Variants in ELP4 observed in about 807,000 individuals in gnomAD.
ELP4 encodes the protein elongator acetyltransferase complex subunit 4.
A neutral mutation model predicts 48.9 loss-of-function variants in ELP4; 51 were observed. The observed-to-expected ratio is 1.04, with a 90% CI of 0.83 to 1.32. The LOEUF is 1.32. Among genes scored for constraint, ELP4 ranks in the 40% most tolerant of loss-of-function variants. The pLI, the probability that ELP4 is intolerant of heterozygous loss-of-function variation, is 0.00. For missense variants in ELP4, 519 were observed against 514.6 expected (o/e 1.01, Z -0.08); for synonymous variants, 210 against 189.2 (o/e 1.11, Z -0.90).
chr11:31,746,883 T>TATA (rs751181055), intron 9 of ELP4, among the ~76,000 whole-genome samples: 1 of 151,276 alleles, frequency 6.6e-6, no homozygotes, highest in Non-Finnish European at 1.5e-5. Flanking sequence ...AAACTTAAAG[T>TATA]ATAATAATAA....
intron 5 of ELP4, among the ~76,000 whole-genome samples, chr11:31,623,641 G>T (rs1295182036): frequency 6.7e-6 from 1 of 150,370 alleles, no homozygotes; most frequent in Non-Finnish European, 1.5e-5. Flanking sequence ...CATTGTTGAT[G>T]ATTGACTTGT....
rs1368522020 is a variant in ELP4, at chr11:31,783,566, C to T, written c.*42C>T. ...GCTGCATGCAGAATTCTATGACACTCTAATTATGATTGCTAATAGCTTATG... is the reference window on the plus strand; with the variant it reads ...GCTGCATGCAGAATTCTATGACACTTTAATTATGATTGCTAATAGCTTATG... On this transcript the variant is annotated 3_prime_UTR_variant, in exon 10 of 10. Coordinates refer to ENST00000640961, the MANE Select transcript of ELP4 (RefSeq NM_019040.5). 2 of 1,580,304 alleles carry T rather than the reference C, an allele frequency of 1.3e-6. No individual in the cohort carries two copies. The highest frequency in any genetic ancestry group is 1.8e-5 in the Admixed American group (1 of 56,452).
intron 6 of ELP4, among the ~76,000 whole-genome samples, chr11:31,629,906 T>C (rs1334885358): frequency 6.6e-6 from 1 of 152,026 alleles, no homozygotes; most frequent in African/African-American, 2.4e-5. Context: ...ACTTAAATTC[T>C]GAGGTTTTAA....
chr11:31,744,733 C>T (rs377295706), intron 9 of ELP4, among the ~76,000 whole-genome samples: 4 of 152,186 alleles, frequency 2.6e-5, no homozygotes, highest in Admixed American at 6.5e-5. Context: ...ATTGATGGGA[C>T]GTATCTCAAA....
At chr11:31,607,029 A>T (rs1957888340) in intron 5 of ELP4, among the ~76,000 whole-genome samples, 1 of 152,128 alleles carries the variant, frequency 6.6e-6, no homozygotes, top group Non-Finnish European at 1.5e-5. Context: ...TCGTATCTTT[A>T]TAAAAGAGGG....
Position 31,583,268 on chromosome 11 carries a change from G to A in ELP4, c.382-11502G>A, listed in dbSNP as rs536967032. Among the ~76,000 whole-genome samples, 49 of 152,162 alleles carry A rather than the reference G, an allele frequency of 3.2e-4. 1 individual carries two copies. Among genetic ancestry groups the A allele is most frequent in the Middle Eastern group, 3.4e-3 (1 of 292 alleles). On this transcript the variant is annotated intron_variant, in intron 3 of 9. Coordinates refer to ENST00000640961, the MANE Select transcript of ELP4 (RefSeq NM_019040.5). Reference sequence around the variant, plus strand: ...CCATGTATGTGGTAGAATCTGTGATGTTTACTATATTATTCTCTATTCTTT... The same window carrying A: ...CCATGTATGTGGTAGAATCTGTGATATTTACTATATTATTCTCTATTCTTT...
chr11:31,595,441 T>G (rs1276172528), intron 4 of ELP4, among the ~76,000 whole-genome samples: 5 of 152,198 alleles, frequency 3.3e-5, no homozygotes, highest in South Asian at 4.1e-4. Flanking sequence ...CTTATTTGAT[T>G]GTTCACTTCA....
chr11:31,537,913 A>C (rs1956527809), intron 2 of ELP4, among the ~76,000 whole-genome samples: 1 of 152,178 alleles, frequency 6.6e-6, no homozygotes, highest in Non-Finnish European at 1.5e-5. Flanking sequence ...TTCTCCAAAA[A>C]GCTTACTGGA....
chr11:31,539,349 G>A (rs534694753), intron 2 of ELP4, among the ~76,000 whole-genome samples: 9 of 152,212 alleles, frequency 5.9e-5, no homozygotes, highest in East Asian at 3.9e-4. Flanking sequence ...CCTGCTACTC[G>A]GGAGGCTGAG....
chr11:31,770,836 GA>G (rs60053913), intron 9 of ELP4, among the ~76,000 whole-genome samples: 4,557 of 51,516 alleles, frequency 0.088, 255 homozygotes, highest in African/African-American at 0.25. Flanking sequence ...TGTCAAAAAA[GA>G]AAAAAAAAAA....
At chr11:31,649,070 T>C (rs1471801135) in intron 8 of ELP4, 1 of 151,762 alleles carries the variant, frequency 6.6e-6, no homozygotes, top group Non-Finnish European at 1.5e-5. Context: ...GAAACACCTT[T>C]TAAATTTTTT....
intron 9 of ELP4, among the ~76,000 whole-genome samples, chr11:31,745,744 G>T (rs1302907916): frequency 6.6e-6 from 1 of 152,144 alleles, no homozygotes; most frequent in East Asian, 1.9e-4. Context: ...ATTAATTCAA[G>T]ATGGATTAAA....
chr11:31,594,788 C>G lies in ELP4; in HGVS notation c.400C>G (p.Leu134Val). ...NILQELPAPLLDDKCKKEFDE... is the reference protein window; with the variant it reads ...NILQELPAPLVDDKCKKEFDE... ...TTCTTAGGAACTTCCAGCACCATTACTTGATGATAAATGTAAAAAGGAATT... is the reference window on the plus strand; with the variant it reads ...TTCTTAGGAACTTCCAGCACCATTAGTTGATGATAAATGTAAAAAGGAATT... Residue 134 changes from leucine to valine, a missense_variant, in exon 4 of 10, where the codon CTT becomes GTT. By Grantham distance (32) the Leu-to-Val change is conservative (BLOSUM62 1). Coordinates refer to ENST00000640961, the MANE Select transcript of ELP4 (RefSeq NM_019040.5). 1 of 1,525,270 alleles carries G rather than the reference C, an allele frequency of 6.6e-7. No individual in the cohort carries two copies. The allele number at this position is 1,525,270 out of a possible 1,614,324, so 94.5% of individuals were successfully genotyped here.
At chr11:31,756,260 C>G (rs748261541) in intron 9 of ELP4, among the ~76,000 whole-genome samples, 5 of 152,170 alleles carry the variant, frequency 3.3e-5, no homozygotes, top group Non-Finnish European at 7.4e-5. Context: ...GGAGGAAAAT[C>G]TAATCATGCC....
chr11:31,574,641 A>G (rs1957241503), intron 3 of ELP4, among the ~76,000 whole-genome samples: 1 of 152,172 alleles, frequency 6.6e-6, no homozygotes, highest in Admixed American at 6.6e-5. Flanking sequence ...TTGCTGTTCT[A>G]CAGCCTCCAC....
At chr11:31,618,825 A>G (rs934983394) in intron 5 of ELP4, among the ~76,000 whole-genome samples, 15 of 152,108 alleles carry the variant, frequency 9.9e-5, no homozygotes, top group African/African-American at 2.7e-4. Context: ...CTGTCAATAT[A>G]CTAGAACTAT....
At chr11:31,746,131 G>GA (rs1480113438) in intron 9 of ELP4, among the ~76,000 whole-genome samples, 1 of 152,136 alleles carries the variant, frequency 6.6e-6, no homozygotes, top group Admixed American at 6.5e-5. Context: ...AAAAACACAT[G>GA]AAAAAATGCT....
At chr11:31,691,043 TACC>T (rs1946268925) in intron 9 of ELP4, among the ~76,000 whole-genome samples, 2 of 152,068 alleles carry the variant, frequency 1.3e-5, no homozygotes, top group African/African-American at 4.8e-5. Context: ...ATTTAAATGA[TACC>T]CAGTCACAGG....
At chr11:31,580,031 CT>C (rs1434048715) in intron 3 of ELP4, among the ~76,000 whole-genome samples, 1 of 152,070 alleles carries the variant, frequency 6.6e-6, no homozygotes, top group Non-Finnish European at 1.5e-5. Flanking sequence ...TGCCCCTTCA[CT>C]TTGCAAAAAG....
Sources: gnomAD v4.1 joint callset for allele counts (sites outside exome capture counted in the v4.1 genomes callset) on GRCh38, gnomAD v4.1.1 for gene constraint, MANE v1.5 for transcripts, NCBI Gene and HGNC (gene_info 2026-07-23, HGNC 2026-07-21) for gene names.